TPO: variants seen among roughly 807,000 people sequenced by gnomAD.
TPO encodes the protein thyroid microsomal antigen.
Under a neutral mutation model 96.9 loss-of-function variants are expected in TPO, and 78 were observed. That is an observed-to-expected ratio of 0.81 (90% CI 0.67 to 0.97). The LOEUF (loss-of-function observed/expected upper bound fraction) is 0.97, where lower values mean the gene tolerates loss of function less well. TPO is among the 50% of genes least tolerant of loss of function. The pLI, the probability that TPO is intolerant of heterozygous loss-of-function variation, is 0.00. For missense variants in TPO, 1,252 were observed against 1,274.8 expected (o/e 0.98, Z 0.27); for synonymous variants, 547 against 538.0 (o/e 1.02, Z -0.23).
chr2:1,376,292 A>G (rs532075363), intron 1 of TPO, among the ~76,000 whole-genome samples: 1 of 152,258 alleles, frequency 6.6e-6, no homozygotes, highest in South Asian at 2.1e-4. Flanking sequence ...GAAAGCTCCC[A>G]CATGCGTTGA....
chr2:1,485,858 T>C (rs148741310), intron 9 of TPO, among the ~76,000 whole-genome samples: 2,257 of 152,192 alleles, frequency 0.015, 57 homozygotes, highest in African/African-American at 0.051. Flanking sequence ...TGTAGGTTGC[T>C]TGTTCACTCT....
chr2:1,532,359 A>G (rs1251667250), intron 15 of TPO, among the ~76,000 whole-genome samples: 2 of 74,104 alleles, frequency 2.7e-5, no homozygotes, highest in Non-Finnish European at 5.2e-5. Context: ...ACCTCCACAA[A>G]TACCCCCCAC....
At chr2:1,388,931 T>G (rs73165375) in intron 1 of TPO, among the ~76,000 whole-genome samples, 1,827 of 152,332 alleles carry the variant, frequency 0.012, 32 homozygotes, top group African/African-American at 0.042. Flanking sequence ...AAGAAAATTT[T>G]AGGGTACACT....
chr2:1,491,191 T>G (rs1671741462), intron 10 of TPO, among the ~76,000 whole-genome samples: 1 of 151,656 alleles, frequency 6.6e-6, no homozygotes, highest in African/African-American at 2.4e-5. Flanking sequence ...AAAAAACACT[T>G]TTTTTTGCAT....
chr2:1,529,164 C>A (rs1292166048), intron 15 of TPO, among the ~76,000 whole-genome samples: 2 of 101,264 alleles, frequency 2.0e-5, no homozygotes, highest in Non-Finnish European at 3.7e-5. Flanking sequence ...CCCTGAATCC[C>A]CCCACTGTGT....
Position 1,423,083 on chromosome 2 carries a change from G to GA in TPO, c.136dup (p.Ser46LysfsTer36), listed in dbSNP as rs1558265711. On this transcript the variant is annotated frameshift_variant, in exon 3 of 17. Coordinates refer to ENST00000329066, the MANE Select transcript of TPO (RefSeq NM_001206744.2). LOFTEE classifies it high-confidence loss of function. ...GTCTCGTGTCTCTAGCGTCTTGGAGGAAAGCAAGCGCCTGGTGGACACCGC... is the reference window on the plus strand; with the variant it reads ...GTCTCGTGTCTCTAGCGTCTTGGAGGAAAAGCAAGCGCCTGGTGGACACCGC... 1 of 1,614,174 alleles carries GA rather than the reference G, an allele frequency of 6.2e-7. No individual in the cohort carries two copies. Among genetic ancestry groups the GA allele is most frequent in the Admixed American group, 1.7e-5 (1 of 60,030 alleles).
intron 1 of TPO, among the ~76,000 whole-genome samples, chr2:1,391,607 G>A (rs1178411530): frequency 6.6e-6 from 1 of 152,182 alleles, no homozygotes; most frequent in Non-Finnish European, 1.5e-5. Flanking sequence ...ACCTTGGGCA[G>A]TATGGCCATT....
intron 14 of TPO, among the ~76,000 whole-genome samples, chr2:1,510,857 G>GT (rs140207240): frequency 0.03 from 4,628 of 152,250 alleles, 114 homozygotes; most frequent in East Asian, 0.12. Context: ...GATAGAGACA[G>GT]TTTAGATATA....
chr2:1,388,247 G>A (rs915770410), intron 1 of TPO, among the ~76,000 whole-genome samples: 2 of 152,172 alleles, frequency 1.3e-5, no homozygotes, highest in East Asian at 1.9e-4. Context: ...TGTCAGACAG[G>A]GACATTTAAG....
Position 1,443,780 on chromosome 2 carries a change from T to C in TPO, c.482+7396T>C, listed in dbSNP as rs1206096160. On this transcript the variant is annotated intron_variant, in intron 5 of 16. Transcript: ENST00000329066. ...GGAAGGGAATGGGGCAGGCTCCTTC[T>C]TGTTTGTATGATCCAGTCACTGCTG... Among the ~76,000 whole-genome samples, 4 of 29,462 alleles carry C rather than the reference T, an allele frequency of 1.4e-4. 1 individual carries two copies. The highest frequency in any genetic ancestry group is 1.9e-4 in the Non-Finnish European group (2 of 10,720). 19.3% of individuals were successfully genotyped at this position (29,462 alleles called of 152,430 possible).
At chr2:1,458,314 G>A (rs1488133109) in intron 7 of TPO, among the ~76,000 whole-genome samples, 1 of 151,894 alleles carries the variant, frequency 6.6e-6, no homozygotes, top group Non-Finnish European at 1.5e-5. Context: ...TGTGTATATA[G>A]TATATAAGAT....
chr2:1,532,366 C>T (rs1678496780), intron 15 of TPO, among the ~76,000 whole-genome samples: 1 of 95,380 alleles, frequency 1.0e-5, no homozygotes, highest in African/African-American at 4.1e-5. Context: ...CAAATACCCC[C>T]CACAGTGCGC....
chr2:1,493,774 G>T, intron 10 of TPO, 28 bp from the exon 11 acceptor site: 1 of 1,612,910 alleles, frequency 6.2e-7, no homozygotes, highest in Non-Finnish European at 8.5e-7. Context: ...TTCTGTGAGA[G>T]AAACCCTGCA....
intron 1 of TPO, among the ~76,000 whole-genome samples, chr2:1,384,972 T>A (rs2148348934): frequency 6.6e-6 from 1 of 152,336 alleles, no homozygotes; most frequent in East Asian, 1.9e-4. Flanking sequence ...GAGATAATCA[T>A]GTGGTTTTTG....
Position 1,376,109 on chromosome 2 carries a change from G to A in TPO, n.180+1707G>A, listed in dbSNP as rs76238144. Among the ~76,000 whole-genome samples, 748 of 152,226 alleles carry A rather than the reference G, an allele frequency of 4.9e-3. 8 individuals are homozygous for A. Among genetic ancestry groups the A allele is most frequent in the African/African-American group, 0.017 (711 of 41,536 alleles). ...TGAGCGCGGCACCATCTGTTCCTCCGAGGAGTTAGCAATCTCAGTATTTTC... is the reference window on the plus strand; with the variant it reads ...TGAGCGCGGCACCATCTGTTCCTCCAAGGAGTTAGCAATCTCAGTATTTTC... On this transcript the variant is annotated intron_variant and non_coding_transcript_variant, in intron 1 of 5. Transcript: ENST00000497517.
chr2:1,529,107 C>T (rs1677355485), intron 15 of TPO, among the ~76,000 whole-genome samples: 1 of 129,078 alleles, frequency 7.7e-6, no homozygotes, highest in African/African-American at 3.1e-5. Context: ...TCTCCAAATC[C>T]CCCCACTGTG....
intron 1 of TPO, among the ~76,000 whole-genome samples, chr2:1,389,322 A>C (rs1044547063): frequency 6.6e-6 from 1 of 152,262 alleles, no homozygotes; most frequent in East Asian, 1.9e-4. Context: ...TTTTCAGGAC[A>C]TTCATTGAAC....
intron 15 of TPO, among the ~76,000 whole-genome samples, chr2:1,525,028 C>CA (rs1676113550): frequency 1.0e-5 from 1 of 98,212 alleles, no homozygotes; most frequent in Non-Finnish European, 2.2e-5. Context: ...GCCAAATCCC[C>CA]CAACTCTGTG....
At chr2:1,540,999 C>G in intron 16 of TPO, 1 of 1,411,150 alleles carries the variant, frequency 7.1e-7, no homozygotes. Context: ...TCCACTTAAT[C>G]TGAGGATCGG....
Sources: allele counts gnomAD v4.1 joint callset (sites outside exome capture counted in the v4.1 genomes callset), GRCh38; gene constraint gnomAD v4.1.1; transcripts MANE v1.5; gene names NCBI Gene and HGNC (gene_info 2026-07-23, HGNC 2026-07-21).